RDX: variants seen among roughly 807,000 people sequenced by gnomAD.
The protein encoded by RDX is radixin.
RDX carries 32 observed loss-of-function variants against 83.7 expected under a neutral mutation model. The observed-to-expected ratio is 0.38, with a 90% CI of 0.29 to 0.51. The LOEUF (loss-of-function observed/expected upper bound fraction) is 0.51. Ranked by LOEUF, RDX falls within the 20% of genes least tolerant of loss-of-function variation. RDX has a pLI of 0.87. For synonymous variants in RDX, 229 were observed against 222.7 expected (o/e 1.03, Z -0.25); for missense variants, 600 against 689.9 (o/e 0.87, Z 1.46).
chr11:110,277,216 A>G (rs1288901859), intron 2 of RDX, among the ~76,000 whole-genome samples: 2 of 152,236 alleles, frequency 1.3e-5, no homozygotes, highest in South Asian at 2.1e-4. Context: ...GAGTTTTCCA[A>G]AGTAGCTGTA....
chr11:110,279,648 G>T, intron 2 of RDX, 33 bp downstream of exon 2: 1 of 1,383,894 alleles, frequency 7.2e-7, no homozygotes, highest in Non-Finnish European at 1.0e-6. Context: ...TCTTATTATT[G>T]AGACACTGTC....
chr11:110,244,995 C>T lies in RDX; in HGVS notation c.1090+2708G>A, dbSNP rs143122598. On this transcript the variant is annotated intron_variant, in intron 10 of 13. Coordinates refer to ENST00000645495, the MANE Select transcript of RDX (RefSeq NM_002906.4). ...TTTTTTTTTTTTTGAGACAGAGTCT[C>T]GCTCTGTCATCCAGGCAGAAGCGCA... Among the ~76,000 whole-genome samples, 314 of 146,328 alleles carry T rather than the reference C, an allele frequency of 2.1e-3. 3 individuals carry two copies. Among genetic ancestry groups the T allele is most frequent in the Admixed American group, 0.018 (258 of 14,586 alleles).
intron 14 of RDX, among the ~76,000 whole-genome samples, chr11:110,214,269 T>C (rs1863947313): frequency 1.4e-5 from 2 of 138,728 alleles, no homozygotes; most frequent in Admixed American, 1.5e-4. Flanking sequence ...ATCAGAGAAA[T>C]GCAAATCAAA....
At chr11:110,207,278 A>G (rs1166184546) in intron 14 of RDX, among the ~76,000 whole-genome samples, 1 of 152,114 alleles carries the variant, frequency 6.6e-6, no homozygotes, top group African/African-American at 2.4e-5. Context: ...CTGGCCATAA[A>G]TGCACATTCT....
intron 5 of RDX, among the ~76,000 whole-genome samples, chr11:110,259,518 A>G (rs752008450): frequency 6.6e-6 from 1 of 152,218 alleles, no homozygotes; most frequent in Non-Finnish European, 1.5e-5. Context: ...TAAGTTACCT[A>G]CTACTTAGAG....
At chr11:110,182,041 C>G (rs1862897704) in intron 15 of RDX, among the ~76,000 whole-genome samples, 3 of 152,190 alleles carry the variant, frequency 2.0e-5, no homozygotes, top group Non-Finnish European at 4.4e-5. Context: ...TGCTCCAGGG[C>G]CAGCACAAGA....
chr11:110,203,127 GA>G (rs1863474976), intron 14 of RDX, among the ~76,000 whole-genome samples: 1 of 152,146 alleles, frequency 6.6e-6, no homozygotes, highest in South Asian at 2.1e-4. Flanking sequence ...ATCAACAGAT[GA>G]ATGGATAAAG....
intron 11 of RDX, chr11:110,236,439 G>A: frequency 2.6e-6 from 1 of 384,002 alleles, no homozygotes; most frequent in Non-Finnish European, 4.7e-6. Context: ...TCAGTAGCAG[G>A]AACTTAAAAT....
At chr11:110,191,059 G>A (rs1263933364) in intron 15 of RDX, among the ~76,000 whole-genome samples, 1 of 152,166 alleles carries the variant, frequency 6.6e-6, no homozygotes, top group Non-Finnish European at 1.5e-5. Flanking sequence ...CCCAAAAATT[G>A]AGGAAGAGGG....
chr11:110,248,100 G>A (rs997927240), intron 9 of RDX, among the ~76,000 whole-genome samples: 1 of 152,128 alleles, frequency 6.6e-6, no homozygotes, highest in Non-Finnish European at 1.5e-5. Flanking sequence ...TGGGAATGGG[G>A]TGAGGGACAA....
chr11:110,268,275 C>G (rs966999753), intron 3 of RDX, among the ~76,000 whole-genome samples: 1 of 148,932 alleles, frequency 6.7e-6, no homozygotes, highest in African/African-American at 2.5e-5. Context: ...CACCACTGTA[C>G]TCCAGCCTGG....
intron 9 of RDX, among the ~76,000 whole-genome samples, chr11:110,250,035 A>G (rs1237031487): frequency 6.6e-6 from 1 of 152,184 alleles, no homozygotes; most frequent in Non-Finnish European, 1.5e-5. Flanking sequence ...TCTGCAGGAC[A>G]TTCACCTCTT....
chr11:110,217,206 AACTC>A (rs1864086326), intron 14 of RDX, among the ~76,000 whole-genome samples: 1 of 152,218 alleles, frequency 6.6e-6, no homozygotes, highest in Non-Finnish European at 1.5e-5. Context: ...ATTTTCTTCT[AACTC>A]AGTCCCTTAT....
chr11:110,217,263 C>G (rs77754992), intron 14 of RDX, among the ~76,000 whole-genome samples: 2,987 of 152,148 alleles, frequency 0.02, 106 homozygotes, highest in African/African-American at 0.068. Context: ...TTTTACAGGT[C>G]GGGGATGGTT....
chr11:110,253,763 T>C, intron 9 of RDX, 183 bp downstream of exon 9: 2 of 612,412 alleles, frequency 3.3e-6, no homozygotes, highest in Non-Finnish European at 5.6e-6. Flanking sequence ...GTGTCAAAGA[T>C]TTCTAACTTG....
intron 15 of RDX, among the ~76,000 whole-genome samples, chr11:110,198,430 C>G (rs781620322): frequency 6.6e-6 from 1 of 152,178 alleles, no homozygotes; most frequent in Non-Finnish European, 1.5e-5. Context: ...CCAGGAATCC[C>G]CAATCCCTGG....
chr11:110,283,472 G>A (rs1035076001), intron 1 of RDX, among the ~76,000 whole-genome samples: 6 of 151,900 alleles, frequency 3.9e-5, no homozygotes, highest in Admixed American at 6.6e-5. Flanking sequence ...AATTTCTTAC[G>A]ATGAAAAAAA....
At chr11:110,201,986 G>A (rs1863427578) in intron 14 of RDX, among the ~76,000 whole-genome samples, 1 of 150,674 alleles carries the variant, frequency 6.6e-6, no homozygotes, top group Non-Finnish European at 1.5e-5. Context: ...TCCCCATGTT[G>A]GCTAGGCTGC....
At chr11:110,229,037 A>AAT (rs1224406250), downstream of RDX, among the ~76,000 whole-genome samples, 2 of 151,970 alleles carry the variant, frequency 1.3e-5, no homozygotes, top group Non-Finnish European at 2.9e-5. Context: ...ACTGTTCTAT[A>AAT]ATACAGCTTC....
Sources: allele counts gnomAD v4.1 joint callset (sites outside exome capture counted in the v4.1 genomes callset), GRCh38; gene constraint gnomAD v4.1.1; transcripts MANE v1.5; gene names NCBI Gene and HGNC (gene_info 2026-07-23, HGNC 2026-07-21).